The following ROBO4 variants were observed in gnomAD, a reference collection of about 807,000 sequenced individuals.
ROBO4 encodes the protein roundabout guidance receptor 4.
A neutral mutation model predicts 103.3 loss-of-function variants in ROBO4; 80 were observed. The observed-to-expected ratio is 0.77, with a 90% CI of 0.65 to 0.93. ROBO4 has a LOEUF of 0.93. ROBO4 is among the 40% of genes least tolerant of loss of function. The pLI, the probability that ROBO4 is intolerant of heterozygous loss-of-function variation, is 0.00. For missense variants in ROBO4, 1,333 were observed against 1,305.3 expected (o/e 1.02, Z -0.33); for synonymous variants, 504 against 529.7 (o/e 0.95, Z 0.67).
At chr11:124,895,292 GAC>G in intron 6 of ROBO4, 99 bp from the exon 7 acceptor site, 3 of 1,170,944 alleles carry the variant, frequency 2.6e-6, no homozygotes, top group South Asian at 2.7e-5. Flanking sequence ...CTACTGAAGA[GAC>G]AAGAAGCCTC....
rs940082840 is a variant in ROBO4 at position 124,896,325 on chromosome 11, G to A, written c.559-7C>T. The A allele has an allele frequency of 5.6e-6, 9 of 1,613,672 alleles. No homozygotes were observed. Among genetic ancestry groups the A allele is most frequent in the Non-Finnish European group, 7.6e-6 (9 of 1,179,910 alleles). On this transcript the variant is annotated splice_region_variant and splice_polypyrimidine_tract_variant and intron_variant, in intron 3 of 17. Coordinates refer to ENST00000306534, the MANE Select transcript of ROBO4 (RefSeq NM_019055.6). ...GCAGGGACCCCCCGGACACCTGTCA[G>A]GGCCAGGTTCACTGTGAAGTCTCCT...
Position 124,896,178 on chromosome 11 carries a change from T to C in ROBO4, c.679+20A>G, listed in dbSNP as rs1341445693. On this transcript the variant is annotated intron_variant, in intron 4 of 17. Transcript: ENST00000306534. The stretch of plus-strand genomic sequence containing the variant: ...GGAGCCTGCAGCCTGGCTCTGATTG[T>C]AGCCCACCCCTGCCCTTACCCTGGA... 5.6e-6 allele frequency: 9 copies of C among 1,612,224 alleles called. No individual in the cohort carries two copies. Among genetic ancestry groups the C allele is most frequent in the Non-Finnish European group, 5.1e-6 (6 of 1,179,386 alleles).
intron 12 of ROBO4, among the ~76,000 whole-genome samples, chr11:124,889,260 C>G (rs1409528288): frequency 6.6e-6 from 1 of 152,200 alleles, no homozygotes; most frequent in Admixed American, 6.5e-5. Context: ...TGCACCAACT[C>G]TGCTATCATC....
At chr11:124,884,977 C>G in intron 17 of ROBO4, 64 bp from the exon 18 acceptor site, 1 of 1,613,864 alleles carries the variant, frequency 6.2e-7, no homozygotes, top group Admixed American at 1.7e-5. Flanking sequence ...AGGCTTCCTC[C>G]TGGCTTCTTC....
chr11:124,889,331 G>A (rs547715090), intron 12 of ROBO4, among the ~76,000 whole-genome samples: 1 of 152,164 alleles, frequency 6.6e-6, no homozygotes, highest in Non-Finnish European at 1.5e-5. Context: ...GCACAAGTTG[G>A]TTGGCTGGTT....
Position 124,886,835 on chromosome 11 carries a change from A to G in ROBO4, c.2436-13T>C, listed in dbSNP as rs771789432. ...AGAGACGCTGTTCCTAGGGAGAGGC[A>G]AAAGGGGAGACAGCAATGGTTTGGG... On this transcript the variant is annotated splice_polypyrimidine_tract_variant and intron_variant, in intron 15 of 17. Coordinates refer to ENST00000306534, the MANE Select transcript of ROBO4 (RefSeq NM_019055.6). The G allele has an allele frequency of 3.9e-6, 6 of 1,528,066 alleles. No homozygotes were observed. The highest frequency in any genetic ancestry group is 1.8e-4 in the Middle Eastern group (1 of 5,628). 94.7% of individuals were successfully genotyped at this position (1,528,066 alleles called of 1,614,324 possible). A position where few individuals can be genotyped will look rare whatever the true frequency, so the allele number is the denominator to read the frequency against.
chr11:124,888,054 C>T (rs1390221992), intron 12 of ROBO4, among the ~76,000 whole-genome samples: 2 of 152,230 alleles, frequency 1.3e-5, no homozygotes, highest in Non-Finnish European at 2.9e-5. Flanking sequence ...AAGACCTGCC[C>T]AGCTCAGCTG....
intron 2 of ROBO4, 119 bp from the exon 3 acceptor site, chr11:124,896,789 C>T (rs1243347497): frequency 1.3e-6 from 2 of 1,509,624 alleles, no homozygotes; most frequent in Non-Finnish European, 1.8e-6. Context: ...GCCAGCCCCG[C>T]CCCAGCTTGC....
rs757627646 is a variant in ROBO4, at chr11:124,897,141, C to T, written c.191G>A (p.Arg64His). 1.1e-5 allele frequency: 17 copies of T among 1,566,074 alleles called. No homozygotes were observed. Among genetic ancestry groups the T allele is most frequent in the East Asian group, 4.5e-5 (2 of 44,288 alleles). ...QASGQPPPTIRWLLNGQPLSM... is the reference protein window; with the variant it reads ...QASGQPPPTIHWLLNGQPLSM... The stretch of plus-strand genomic sequence containing the variant: ...CAGGGGCTGCCCATTCAGCAACCAG[C>T]GGATGGTGGGAGGTGGCTGGCCTGA... Residue 64 changes from arginine (R) to histidine (H), a missense_variant, in exon 2 of 18, where the codon CGC becomes CAC. By Grantham distance (29) the Arg-to-His change is conservative. Transcript: ENST00000306534.
intron 12 of ROBO4, among the ~76,000 whole-genome samples, chr11:124,888,558 C>T (rs969503229): frequency 9.2e-5 from 14 of 152,192 alleles, no homozygotes; most frequent in Non-Finnish European, 2.1e-4. Flanking sequence ...CAATGCCCTG[C>T]CCATACTTTT....
In ROBO4 at chr11:124,887,340, G is replaced by A. The variant is rs781546330; in HGVS notation, c.2198+18C>T. On this transcript the variant is annotated intron_variant, in intron 14 of 17. Coordinates refer to ENST00000306534, the MANE Select transcript of ROBO4 (RefSeq NM_019055.6). ...CCCCACTCTCCCAGCCCTGCTTCCC[G>A]ACCCCATGCCCTCTTACTGGGTCTG... 6.2e-6 allele frequency: 10 copies of A among 1,613,420 alleles called. No homozygotes were observed. The highest frequency in any genetic ancestry group is 5.0e-5 in the Admixed American group (3 of 59,952).
intron 6 of ROBO4, 115 bp from the exon 7 acceptor site, chr11:124,895,308 A>T: frequency 8.7e-7 from 1 of 1,146,998 alleles, no homozygotes; most frequent in Non-Finnish European, 1.3e-6. Context: ...AAGCCTCTTG[A>T]AGCTCTGCTG....
Position 124,885,114 on chromosome 11 carries a change from C to A in ROBO4, c.2928G>T (p.Met976Ile), listed in dbSNP as rs1213975280. 6.2e-7 allele frequency: 1 copy of A among 1,614,014 alleles called. No homozygotes were observed. The highest frequency in any genetic ancestry group is 1.3e-5 in the African/African-American group (1 of 74,938). ...VSHTQRLGRG[M>I]PPWPPDSQIS... ...TCTGAGAGTCAGGGGGCCAGGGAGGCATCCCCCTTCCCAGCCGCTGGGTGT... is the reference window on the plus strand; with the variant it reads ...TCTGAGAGTCAGGGGGCCAGGGAGGAATCCCCCTTCCCAGCCGCTGGGTGT... The change falls in exon 17 of 18, where the codon ATG (methionine) becomes ATT (isoleucine). Residue 976 changes from methionine to isoleucine, a missense_variant. By Grantham distance (10) the Met-to-Ile change is conservative. Coordinates refer to ENST00000306534, the MANE Select transcript of ROBO4 (RefSeq NM_019055.6).
chr11:124,897,726 CCATGATGAG>C lies in ROBO4; in HGVS notation c.61_69del (p.Leu21_Met23del). 1 of 1,614,018 alleles carries C rather than the reference CCATGATGAG, an allele frequency of 6.2e-7. No individual in the cohort carries two copies. Among genetic ancestry groups the C allele is most frequent in the Non-Finnish European group, 8.5e-7 (1 of 1,179,922 alleles). On this transcript the variant is annotated inframe_deletion and splice_region_variant, in exon 1 of 18. Coordinates refer to ENST00000306534, the MANE Select transcript of ROBO4 (RefSeq NM_019055.6). ...GGCCAGGAGAGGGAGAGCAACTCAC[CCATGATGAG>C]CAGGAGCAGCAGAGGCAGGGAACCC... is the stretch of plus-strand genomic sequence containing the variant.
Position 124,887,102 on chromosome 11 carries a change from G to C in ROBO4, c.2310C>G (p.Pro770=). 6.2e-7 allele frequency: 1 copy of C among 1,613,824 alleles called. No individual in the cohort carries two copies. The part of the protein sequence containing the change: ...PSPQASSLSG[P]SPASSRLSSS... The stretch of plus-strand genomic sequence containing the variant: ...TGGACAGGCGACTGGAAGCTGGGCT[G>C]GGGCCAGAGAGGGAAGAGGCCTGGG... Residue 770 remains proline, a synonymous_variant, in exon 15 of 18, where the codon CCC becomes CCG. Transcript: ENST00000306534.
intron 12 of ROBO4, among the ~76,000 whole-genome samples, chr11:124,889,584 G>A (rs1398717354): frequency 1.3e-5 from 2 of 152,210 alleles, no homozygotes; most frequent in Non-Finnish European, 2.9e-5. Flanking sequence ...ATGAATGAAT[G>A]AGGATATTCA....
At position 124,893,933 on chromosome 11, in the gene ROBO4, T is replaced by A. The variant is rs774605671; in HGVS notation, c.1431A>T (p.Ala477=). 2.2e-5 allele frequency: 36 copies of A among 1,610,986 alleles called. No individual in the cohort carries two copies. Among genetic ancestry groups the A allele is most frequent in the Non-Finnish European group, 2.7e-5 (32 of 1,179,498 alleles). The stretch of plus-strand genomic sequence containing the variant: ...CGGTGCCCAGAAGCAGCAGCCAGAG[T>A]GCAACACCGCAGGTGGCAATGACCT... The part of the protein sequence containing the change: ...RPEVIATCGV[A]LWLLLLGTAV... The change falls in exon 9 of 18, where the codon GCA becomes GCT. Residue 477 remains alanine (A), a synonymous_variant. Transcript: ENST00000306534.
intron 8 of ROBO4, 42 bp from the exon 9 acceptor site, chr11:124,894,087 A>C: frequency 6.5e-7 from 1 of 1,543,962 alleles, no homozygotes; most frequent in Non-Finnish European, 8.7e-7. Flanking sequence ...GAGTCGAGGC[A>C]TTGAGGGCCT....
In ROBO4 at chr11:124,896,681, G is replaced by C. The variant is rs59694474; in HGVS notation, c.401-11C>G. 3.5e-3 allele frequency: 5,626 copies of C among 1,613,284 alleles called. 147 individuals carry two copies. The African/African-American group carries it at 0.061, about 18-fold the overall frequency. ...AATCCTCCCGGAGGACTGTGGGGAG[G>C]ATGGAAGGTGACACGGAGCAGGGCC... On this transcript the variant is annotated splice_polypyrimidine_tract_variant and intron_variant, in intron 2 of 17. Transcript: ENST00000306534.
Sources: allele counts gnomAD v4.1 joint callset (sites outside exome capture counted in the v4.1 genomes callset), GRCh38; gene constraint gnomAD v4.1.1; transcripts MANE v1.5; gene names NCBI Gene and HGNC (gene_info 2026-07-23, HGNC 2026-07-21).